SHISA9: variants seen among roughly 807,000 people sequenced by gnomAD.
The protein encoded by SHISA9 is protein shisa-9.
SHISA9 carries 13 observed loss-of-function variants against 38.0 expected under a neutral mutation model. The observed-to-expected ratio is 0.34, with a 90% CI of 0.22 to 0.54. The LOEUF is 0.54. Among genes scored for constraint, SHISA9 ranks in the 20% least tolerant of loss-of-function variants. SHISA9 has a pLI of 0.91. For missense variants in SHISA9, 538 were observed against 575.8 expected (o/e 0.93, Z 0.67); for synonymous variants, 275 against 242.0 (o/e 1.14, Z -1.27).
At chr16:13,118,444 C>T (rs2074052410) in intron 2 of SHISA9, among the ~76,000 whole-genome samples, 1 of 152,206 alleles carries the variant, frequency 6.6e-6, no homozygotes, top group Non-Finnish European at 1.5e-5. Flanking sequence ...AGGCATGAGA[C>T]AGCAAGAACA....
In SHISA9 at chr16:13,028,365, G is replaced by A. The variant is rs1384322787; in HGVS notation, c.691+111550G>A. ...CATGCTGCTGATAAAGACATACCGA[G>A]ACTGGGCAATTTATAAAGAGAAAGA... On this transcript the variant is annotated intron_variant, in intron 2 of 4. Transcript: ENST00000558583. 2.6e-5 allele frequency among the ~76,000 whole-genome samples: 4 copies of A among 152,122 alleles called. No homozygotes were observed. In the East Asian group the frequency reaches 7.7e-4, roughly 29 times the overall value.
At chr16:12,983,854 G>C (rs1485780627) in intron 2 of SHISA9, among the ~76,000 whole-genome samples, 2 of 152,150 alleles carry the variant, frequency 1.3e-5, no homozygotes, top group Non-Finnish European at 2.9e-5. Context: ...CTGATTCTCA[G>C]TTAGAGTCCT....
At chr16:13,042,894 C>T (rs921627476) in intron 2 of SHISA9, among the ~76,000 whole-genome samples, 7 of 152,152 alleles carry the variant, frequency 4.6e-5, no homozygotes, top group African/African-American at 7.2e-5. Flanking sequence ...CCCTGGCACA[C>T]GGTAGAGGCT....
chr16:13,213,104 C>T (rs556160888), intron 3 of SHISA9, 149 bp from the exon 4 acceptor site: 2 of 641,890 alleles, frequency 3.1e-6, no homozygotes, highest in South Asian at 4.1e-5. Flanking sequence ...TCACACGTGG[C>T]TCCCTTCCCT....
chr16:13,324,395 G>A, the SHISA9 span, among the ~76,000 whole-genome samples: 1 of 152,070 alleles, frequency 6.6e-6, no homozygotes, highest in Non-Finnish European at 1.5e-5. Flanking sequence ...TCCTGGCCCA[G>A]TTTCTAGCAT....
At chr16:13,092,106 C>G (rs780649195) in intron 2 of SHISA9, among the ~76,000 whole-genome samples, 2 of 152,210 alleles carry the variant, frequency 1.3e-5, no homozygotes, top group Admixed American at 6.5e-5. Flanking sequence ...ACTCCAGACC[C>G]TGTTTGCCTG....
the SHISA9 span, among the ~76,000 whole-genome samples, chr16:13,261,744 A>G: frequency 6.6e-6 from 1 of 152,198 alleles, no homozygotes; most frequent in Non-Finnish European, 1.5e-5. Context: ...ACATCATCAT[A>G]AACACTTTCT....
At chr16:13,367,708 G>GCACA in the SHISA9 span, among the ~76,000 whole-genome samples, 222 of 116,648 alleles carry the variant, frequency 1.9e-3, no homozygotes, top group African/African-American at 3.4e-3. Flanking sequence ...GCGCGCGCGC[G>GCACA]CGCGCACACA....
the SHISA9 span, among the ~76,000 whole-genome samples, chr16:13,379,059 G>C: frequency 3.4e-4 from 52 of 151,654 alleles, 1 homozygote; most frequent in African/African-American, 1.2e-3. Flanking sequence ...CCCAGTGGTA[G>C]ATCCAGTAAG....
chr16:13,188,986 A>G (rs67775089), intron 2 of SHISA9, among the ~76,000 whole-genome samples: 22,664 of 152,048 alleles, frequency 0.15, 1,965 homozygotes, highest in Middle Eastern at 0.23. Flanking sequence ...AGAGAATGCC[A>G]TGTGAAGACA....
chr16:12,965,224 C>A (rs181310114), intron 2 of SHISA9, among the ~76,000 whole-genome samples: 53 of 152,216 alleles, frequency 3.5e-4, no homozygotes, highest in Non-Finnish European at 7.2e-4. Context: ...TGTATTTATG[C>A]ATGTGTGTTT....
At chr16:13,200,440 A>ACACACACACACACACAG (rs201359350) in intron 2 of SHISA9, among the ~76,000 whole-genome samples, 3 of 150,034 alleles carry the variant, frequency 2.0e-5, no homozygotes, top group African/African-American at 7.5e-5. Flanking sequence ...ACACACACAC[A>ACACACACACACACACAG]CAGCAGCAGC....
intron 2 of SHISA9, among the ~76,000 whole-genome samples, chr16:13,129,566 C>G (rs535394035): frequency 6.6e-6 from 1 of 152,312 alleles, no homozygotes; most frequent in East Asian, 1.9e-4. Flanking sequence ...TCTGGTCTAG[C>G]TGGTTTCCTA....
chr16:13,506,408 G>C, the SHISA9 span, among the ~76,000 whole-genome samples: 1 of 152,166 alleles, frequency 6.6e-6, no homozygotes, highest in African/African-American at 2.4e-5. Context: ...TAATGATATA[G>C]CATATTAGCA....
chr16:13,536,909 G>C, the SHISA9 span, among the ~76,000 whole-genome samples: 2 of 152,140 alleles, frequency 1.3e-5, no homozygotes. Context: ...CACTAATGTT[G>C]TCCTACTACT....
chr16:13,175,824 C>A (rs895122818), intron 2 of SHISA9, among the ~76,000 whole-genome samples: 1 of 152,126 alleles, frequency 6.6e-6, no homozygotes, highest in Non-Finnish European at 1.5e-5. Context: ...CTTTCACGTG[C>A]TTCCAAGGGT....
chr16:13,417,531 T>G, the SHISA9 span, among the ~76,000 whole-genome samples: 1 of 152,344 alleles, frequency 6.6e-6, no homozygotes, highest in South Asian at 2.1e-4. Context: ...GCTATTGAGT[T>G]TTCATTACAG....
In SHISA9 at chr16:12,902,646, G is replaced by C. The variant is rs779436081; in HGVS notation, c.563+19G>C. ...TGTCCAGGTGGGCTGCCTCCCCTTC[G>C]CCCTCCCCTCGGGGCTTCGCTCTCC... On this transcript the variant is annotated intron_variant, in intron 1 of 4. Coordinates refer to ENST00000558583, the MANE Select transcript of SHISA9 (RefSeq NM_001145204.3). The C allele has an allele frequency of 4.7e-5, 72 of 1,526,262 alleles. No individual in the cohort carries two copies. The highest frequency in any genetic ancestry group is 6.0e-5 in the Non-Finnish European group (68 of 1,134,826). 94.5% of individuals were successfully genotyped at this position (1,526,262 alleles called of 1,614,324 possible).
chr16:13,483,942 T>C, the SHISA9 span, among the ~76,000 whole-genome samples: 1,274 of 152,294 alleles, frequency 8.4e-3, 16 homozygotes, highest in African/African-American at 0.029. Context: ...GATGCTCCAG[T>C]AAATTAGTTA....
Sources: gnomAD v4.1 joint callset for allele counts (sites outside exome capture counted in the v4.1 genomes callset) on GRCh38, gnomAD v4.1.1 for gene constraint, MANE v1.5 for transcripts, NCBI Gene and HGNC (gene_info 2026-07-23, HGNC 2026-07-21) for gene names.